The following CLIC5 variants were observed in gnomAD, a reference collection of about 807,000 sequenced individuals.
CLIC5 encodes the protein chloride intracellular channel protein 5.
In CLIC5, 20 loss-of-function variants were observed where a neutral mutation model predicts 24.7. That is an observed-to-expected ratio of 0.81 (90% confidence interval 0.57 to 1.18). The LOEUF (loss-of-function observed/expected upper bound fraction) is 1.18, where lower values mean the gene tolerates loss of function less well. Ranked by LOEUF, CLIC5 falls within the 50% of genes most tolerant of loss-of-function variation. CLIC5 has a pLI of 0.00. For missense variants in CLIC5, 341 were observed against 326.1 expected, an observed-to-expected ratio of 1.05 and a Z score of -0.35; for synonymous variants, 159 against 135.6, an observed-to-expected ratio of 1.17 and a Z score of -1.20.
chr6:46,091,057 G>C, the CLIC5 span, among the ~76,000 whole-genome samples: 2 of 152,204 alleles, frequency 1.3e-5, no homozygotes, highest in African/African-American at 4.8e-5. Context: ...GCAGCGCGAA[G>C]TTGCTCTGAA....
chr6:45,895,840 G>A (rs141471257), downstream of CLIC5, among the ~76,000 whole-genome samples: 2 of 152,232 alleles, frequency 1.3e-5, no homozygotes, highest in Non-Finnish European at 2.9e-5. Flanking sequence ...AATAGTACTG[G>A]GTTTTAACTG....
intron 4 of CLIC5, among the ~76,000 whole-genome samples, chr6:45,934,925 TTTGTTA>T (rs1763874753): frequency 6.6e-6 from 1 of 152,212 alleles, no homozygotes; most frequent in Admixed American, 6.5e-5. Flanking sequence ...ATTAGATCCA[TTTGTTA>T]ATTACCTGCC....
chr6:46,054,812 A>G (rs531001404), intron 1 of CLIC5, among the ~76,000 whole-genome samples: 57 of 152,220 alleles, frequency 3.7e-4, no homozygotes, highest in Non-Finnish European at 6.8e-4. Context: ...CCAGAAACTG[A>G]TCATGCTGGC....
intron 6 of CLIC5, among the ~76,000 whole-genome samples, chr6:45,886,149 C>T (rs1020213815): frequency 6.6e-6 from 1 of 152,154 alleles, no homozygotes. Context: ...CTTCAGAATA[C>T]GTCATGAAAT....
chr6:46,019,988 T>C (rs914922920), upstream of CLIC5, among the ~76,000 whole-genome samples: 10 of 152,050 alleles, frequency 6.6e-5, no homozygotes, highest in African/African-American at 2.4e-4. Context: ...ACTTCAGTTC[T>C]CCTCTTTTGG....
At chr6:46,009,829 C>A (rs1766738836) in intron 1 of CLIC5, among the ~76,000 whole-genome samples, 1 of 152,164 alleles carries the variant, frequency 6.6e-6, no homozygotes, top group Non-Finnish European at 1.5e-5. Flanking sequence ...TAGGAGCTTT[C>A]TTGGATGAGG....
the CLIC5 span, among the ~76,000 whole-genome samples, chr6:46,099,622 T>A: frequency 6.6e-6 from 1 of 152,226 alleles, no homozygotes; most frequent in Non-Finnish European, 1.5e-5. Flanking sequence ...CTTACTCACT[T>A]TATATATGTA....
In CLIC5 at chr6:45,903,000, G is replaced by C. The variant is rs1216403808; in HGVS notation, c.*88C>G. 7 of 1,429,466 alleles carry C rather than the reference G, an allele frequency of 4.9e-6. No homozygotes were observed. The Admixed American group carries it at 5.5e-5, about 11-fold the overall frequency. 88.5% of individuals were successfully genotyped at this position (1,429,466 alleles called of 1,614,324 possible). Reference sequence around the variant, plus strand: ...CTTGATTATAAAAAGTGCGCCTCAAGGCAGTGATACAGAGGAGTCTATGAA... The same window carrying C: ...CTTGATTATAAAAAGTGCGCCTCAACGCAGTGATACAGAGGAGTCTATGAA... On this transcript the variant is annotated 3_prime_UTR_variant, in exon 6 of 6. Transcript: ENST00000339561.
the CLIC5 span, among the ~76,000 whole-genome samples, chr6:46,091,732 T>C: frequency 6.6e-6 from 1 of 152,226 alleles, no homozygotes; most frequent in Non-Finnish European, 1.5e-5. Context: ...TGTGTATATA[T>C]GTCACATTTT....
intron 4 of CLIC5, chr6:45,934,366 A>T (rs964638017): frequency 6.6e-6 from 1 of 152,200 alleles, no homozygotes; most frequent in African/African-American, 2.4e-5. Context: ...TAAAATAGAA[A>T]GAAGGCCCCC....
In CLIC5 at chr6:46,022,536, T is replaced by G. The variant is rs1404330845; in HGVS notation, c.540+57167A>C. On this transcript the variant is annotated intron_variant, in intron 1 of 5. Transcript: ENST00000185206. ...AGGTGAATCCTAGAGGGATCACACC[T>G]GCATGAGGTCACAGATTGGGCTATG... Among the ~76,000 whole-genome samples the G allele has an allele frequency of 2.0e-5, 3 of 152,214 alleles. No homozygotes were observed. The East Asian group carries it at 5.8e-4, about 29-fold the overall frequency.
At chr6:46,082,207 T>C (rs1013367564), upstream of CLIC5, among the ~76,000 whole-genome samples, 3 of 152,186 alleles carry the variant, frequency 2.0e-5, no homozygotes, top group African/African-American at 7.2e-5. Context: ...CATGTGCATA[T>C]GGATACAGCA....
chr6:45,884,741 G>A (rs995032076), intron 6 of CLIC5, among the ~76,000 whole-genome samples: 1 of 152,054 alleles, frequency 6.6e-6, no homozygotes, highest in African/African-American at 2.4e-5. Context: ...TTTCTATTAC[G>A]TGTGGATACC....
At chr6:45,945,878 A>T (rs1413260236) in intron 3 of CLIC5, among the ~76,000 whole-genome samples, 1 of 152,210 alleles carries the variant, frequency 6.6e-6, no homozygotes, top group Non-Finnish European at 1.5e-5. Context: ...TTGATACTTA[A>T]ATCATTCTTG....
intron 5 of CLIC5, among the ~76,000 whole-genome samples, chr6:45,904,514 G>T (rs916711430): frequency 1.3e-5 from 2 of 151,058 alleles, no homozygotes; most frequent in African/African-American, 2.4e-5. Flanking sequence ...TTTAAACAGG[G>T]CCCCCCTGTT....
chr6:45,903,064 G>A lies in CLIC5; in HGVS notation c.*24C>T, dbSNP rs368110807. 23 of 1,613,514 alleles carry A rather than the reference G, an allele frequency of 1.4e-5. No individual in the cohort carries two copies. Among genetic ancestry groups the A allele is most frequent in the African/African-American group, 5.3e-5 (4 of 74,918 alleles). The stretch of plus-strand genomic sequence containing the variant: ...GGGAGTGGTTGAGTCCTTCTGCAGC[G>A]GGGATGGGGCAAAATGGCTGTGCTC... On this transcript the variant is annotated 3_prime_UTR_variant, in exon 6 of 6. Coordinates refer to ENST00000339561, the MANE Select transcript of CLIC5 (RefSeq NM_016929.5).
At chr6:46,124,664 T>C in the CLIC5 span, among the ~76,000 whole-genome samples, 2 of 152,182 alleles carry the variant, frequency 1.3e-5, no homozygotes, top group African/African-American at 4.8e-5. Flanking sequence ...AGAAAATTTT[T>C]GCAATCTACT....
intron 1 of CLIC5, among the ~76,000 whole-genome samples, chr6:46,051,741 A>G (rs1213931581): frequency 6.6e-6 from 1 of 152,234 alleles, no homozygotes; most frequent in Non-Finnish European, 1.5e-5. Context: ...ACCATCTCAT[A>G]TATTTTATCT....
chr6:46,068,764 A>C (rs886068958), intron 1 of CLIC5, among the ~76,000 whole-genome samples: 1 of 152,156 alleles, frequency 6.6e-6, no homozygotes, highest in Non-Finnish European at 1.5e-5. Context: ...CAGGGGGAAG[A>C]CCATGTGAAG....
Sources: allele counts gnomAD v4.1 joint callset (sites outside exome capture counted in the v4.1 genomes callset), GRCh38; gene constraint gnomAD v4.1.1; transcripts MANE v1.5; gene names NCBI Gene and HGNC (gene_info 2026-07-23, HGNC 2026-07-21).